Variants in NWD1 observed in about 807,000 individuals in gnomAD.
The protein encoded by NWD1 is NACHT and WD repeat domain containing 1.
A neutral mutation model predicts 135.1 loss-of-function variants in NWD1; 129 were observed. The observed-to-expected ratio is 0.96, with a 90% CI of 0.83 to 1.11. NWD1 has a LOEUF of 1.11. NWD1 is among the 50% of genes least tolerant of loss of function. The pLI, the probability that NWD1 is intolerant of heterozygous loss-of-function variation, is 0.00. For synonymous variants in NWD1, 773 were observed against 786.0 expected, an observed-to-expected ratio of 0.98 and a Z score of 0.28; for missense variants, 1,740 against 1,851.3, an observed-to-expected ratio of 0.94 and a Z score of 1.10.
intron 11 of NWD1, 148 bp from the exon 12 acceptor site, chr19:16,779,195 C>T: frequency 1.2e-6 from 1 of 832,162 alleles, no homozygotes; most frequent in Non-Finnish European, 2.0e-6. Context: ...CGAATCTAAT[C>T]CTTGCTGTGC....
At chr19:16,774,177 T>C (rs1302301691) in intron 11 of NWD1, among the ~76,000 whole-genome samples, 9 of 130,114 alleles carry the variant, frequency 6.9e-5, no homozygotes, top group African/African-American at 2.4e-4. Context: ...ACCTTCCCAC[T>C]CTCCCATCCA....
At chr19:16,798,477 G>A (rs1970493339) in intron 16 of NWD1, among the ~76,000 whole-genome samples, 1 of 152,072 alleles carries the variant, frequency 6.6e-6, no homozygotes, top group African/African-American at 2.4e-5. Flanking sequence ...CGGGCGTCAT[G>A]GCATGTGCCT....
intron 18 of NWD1, 67 bp from the exon 19 acceptor site, chr19:16,814,961 G>A (rs1171396765): frequency 4.2e-6 from 6 of 1,432,792 alleles, no homozygotes; most frequent in Non-Finnish European, 5.8e-6. Context: ...AGCCAACTCT[G>A]GAATGTGTAG....
At chr19:16,753,556 C>T (rs536393370) in intron 6 of NWD1, among the ~76,000 whole-genome samples, 57 of 152,252 alleles carry the variant, frequency 3.7e-4, no homozygotes, top group Middle Eastern at 6.8e-3. Flanking sequence ...TAGTTCTCCA[C>T]GCCCCCCATC....
At chr19:16,764,987 G>T (rs1568363425) in intron 9 of NWD1, 47 bp from the exon 10 acceptor site, 3 of 1,597,378 alleles carry the variant, frequency 1.9e-6, no homozygotes, top group South Asian at 1.1e-5. Context: ...AGGATGAACT[G>T]GAGGGAGGTA....
chr19:16,792,299 G>A (rs888780401), intron 14 of NWD1, among the ~76,000 whole-genome samples: 43 of 152,188 alleles, frequency 2.8e-4, no homozygotes, highest in Admixed American at 1.0e-3. Flanking sequence ...CCAGCACTTT[G>A]GGAGGCTGAG....
intron 15 of NWD1, among the ~76,000 whole-genome samples, chr19:16,796,088 C>T (rs1176902860): frequency 6.6e-6 from 1 of 152,052 alleles, no homozygotes. Flanking sequence ...TTTTTATAGG[C>T]ACAGGATGGG....
At chr19:16,793,981 T>C (rs1023492183) in intron 14 of NWD1, among the ~76,000 whole-genome samples, 3 of 152,066 alleles carry the variant, frequency 2.0e-5, no homozygotes, top group African/African-American at 7.2e-5. Context: ...AGCCTCCAAC[T>C]CCTAGGGGCA....
At chr19:16,727,843 T>C (rs922937477) in intron 2 of NWD1, among the ~76,000 whole-genome samples, 1 of 152,020 alleles carries the variant, frequency 6.6e-6, no homozygotes, top group African/African-American at 2.4e-5. Flanking sequence ...GGTGGATCAC[T>C]TGAGGTCAAG....
intron 2 of NWD1, among the ~76,000 whole-genome samples, chr19:16,725,339 G>A (rs1203421676): frequency 2.7e-5 from 4 of 150,880 alleles, no homozygotes; most frequent in South Asian, 4.2e-4. Flanking sequence ...TTAACCAGAC[G>A]TGATGGTGCA....
At chr19:16,802,518 C>T (rs572048045) in intron 17 of NWD1, among the ~76,000 whole-genome samples, 73 of 150,118 alleles carry the variant, frequency 4.9e-4, no homozygotes, top group Non-Finnish European at 8.4e-4. Context: ...CTTGCTTCCT[C>T]TGGCCGTATG....
At chr19:16,792,407 T>A (rs569540420) in intron 14 of NWD1, among the ~76,000 whole-genome samples, 18 of 151,486 alleles carry the variant, frequency 1.2e-4, no homozygotes, top group Non-Finnish European at 2.4e-4. Flanking sequence ...CCAGGCACGG[T>A]GGCTCACACC....
At position 16,743,680 on chromosome 19, in the gene NWD1, G is replaced by GTTTATTTA. The variant is rs1555718905; in HGVS notation, c.199-729_199-722dup. Among the ~76,000 whole-genome samples, 138 of 151,590 alleles carry GTTTATTTA rather than the reference G, an allele frequency of 9.1e-4. 1 individual carries two copies. The highest frequency in any genetic ancestry group is 3.2e-3 in the African/African-American group (132 of 41,160). On this transcript the variant is annotated intron_variant, in intron 4 of 18. Transcript: ENST00000524140. The stretch of plus-strand genomic sequence containing the variant: ...TATTTATTTATTTATTTATTAGTTT[G>GTTTATTTA]TTTATTTATTTATTTATTTTGAGAC...
chr19:16,787,630 C>A (rs1026686170), intron 12 of NWD1, among the ~76,000 whole-genome samples: 1 of 151,416 alleles, frequency 6.6e-6, no homozygotes, highest in African/African-American at 2.4e-5. Context: ...AAGGCCGAGG[C>A]GGGTGGATCA....
chr19:16,776,601 T>C (rs1969608762), intron 11 of NWD1, among the ~76,000 whole-genome samples: 1 of 147,934 alleles, frequency 6.8e-6, no homozygotes, highest in Non-Finnish European at 1.5e-5. Context: ...TATGAGTTAA[T>C]ATTTCCAAGG....
rs1400981953 is a variant in NWD1, at chr19:16,772,136, AAGG to A, written c.2411-985_2411-983del. The stretch of plus-strand genomic sequence containing the variant: ...ATTCCAGAGCTTTGAGGGGTCGAGG[AAGG>A]AGGATATCTTGAGCCCAGAAGTTTG... On this transcript the variant is annotated intron_variant, in intron 10 of 18. Coordinates refer to ENST00000524140, the MANE Select transcript of NWD1 (RefSeq NM_001007525.5). Among the ~76,000 whole-genome samples, 3 of 152,128 alleles carry A rather than the reference AAGG, an allele frequency of 2.0e-5. No individual in the cohort carries two copies. In the East Asian group the frequency reaches 5.8e-4, roughly 29 times the overall value.
At chr19:16,795,064 G>A (rs149579762) in intron 15 of NWD1, among the ~76,000 whole-genome samples, 67 of 152,362 alleles carry the variant, frequency 4.4e-4, no homozygotes, top group African/African-American at 1.3e-3. Flanking sequence ...TTACACAGGC[G>A]TGAGCCATTG....
intron 11 of NWD1, among the ~76,000 whole-genome samples, chr19:16,778,842 A>G (rs1199384464): frequency 1.3e-5 from 2 of 152,080 alleles, no homozygotes; most frequent in South Asian, 2.1e-4. Context: ...GCCATGGCCA[A>G]TGTGATTTTG....
chr19:16,742,247 C>G (rs1057261776), intron 4 of NWD1, among the ~76,000 whole-genome samples: 2 of 151,660 alleles, frequency 1.3e-5, no homozygotes, highest in African/African-American at 4.8e-5. Flanking sequence ...TGGTGGCTCA[C>G]GCCTGTAATC....
Sources: allele counts gnomAD v4.1 joint callset (sites outside exome capture counted in the v4.1 genomes callset), GRCh38; gene constraint gnomAD v4.1.1; transcripts MANE v1.5; gene names NCBI Gene and HGNC (gene_info 2026-07-23, HGNC 2026-07-21).